The following FTO variants were observed in gnomAD, a reference collection of about 807,000 sequenced individuals.
FTO encodes the protein FTO alpha-ketoglutarate dependent dioxygenase.
FTO carries 47 observed loss-of-function variants against 63.9 expected under a neutral mutation model. The ratio of observed to expected loss-of-function variants is 0.74; its 90% CI spans 0.58 to 0.94. FTO has a LOEUF of 0.94. Among genes scored for constraint, FTO ranks in the 40% least tolerant of loss-of-function variants. FTO has a pLI of 0.00. For missense variants in FTO, 562 were observed against 618.1 expected, an observed-to-expected ratio of 0.91 and a Z score of 0.96; for synonymous variants, 207 against 224.4, an observed-to-expected ratio of 0.92 and a Z score of 0.69.
rs147910333 is a variant in FTO, at chr16:53,889,863, A to G, written c.1239+912A>G. 3.3e-3 allele frequency among the ~76,000 whole-genome samples: 504 copies of G among 152,272 alleles called. 4 individuals are homozygous for G. Among genetic ancestry groups the G allele is most frequent in the Middle Eastern group, 0.031 (9 of 294 alleles). On this transcript the variant is annotated intron_variant, in intron 7 of 8. Coordinates refer to ENST00000471389, the MANE Select transcript of FTO (RefSeq NM_001080432.3). ...TAATAATAATAACAAACACTTACAT[A>G]ATACTTATTAAGTACCAGACATTAT... is the stretch of plus-strand genomic sequence containing the variant.
chr16:53,890,734 C>T (rs1454184640), intron 7 of FTO, among the ~76,000 whole-genome samples: 2 of 152,180 alleles, frequency 1.3e-5, no homozygotes, highest in Non-Finnish European at 2.9e-5. Flanking sequence ...CCTAAATCTC[C>T]TTAGTCAGTT....
chr16:54,112,814 C>T lies in FTO; in HGVS notation c.*899C>T, dbSNP rs1161710159. On this transcript the variant is annotated 3_prime_UTR_variant, in exon 9 of 9. Coordinates refer to ENST00000471389, the MANE Select transcript of FTO (RefSeq NM_001080432.3). ...ATTTACATTATTTCGTGGATTTCAC[C>T]AGCATAGTATAGTTTTTTTCTGTAA... The T allele has an allele frequency of 6.6e-6, 1 of 152,124 alleles. No individual in the cohort carries two copies. Among genetic ancestry groups the T allele is most frequent in the African/African-American group, 2.4e-5 (1 of 41,424 alleles). 9.4% of individuals were successfully genotyped at this position (152,124 alleles called of 1,614,324 possible). A position where few individuals can be genotyped will look rare whatever the true frequency, so the allele number is the denominator to read the frequency against.
chr16:53,834,315 C>T (rs184097598), intron 3 of FTO, among the ~76,000 whole-genome samples: 11 of 152,248 alleles, frequency 7.2e-5, no homozygotes, highest in African/African-American at 1.9e-4. Flanking sequence ...TGAGCCACCG[C>T]GCCCGGCCTG....
intron 8 of FTO, among the ~76,000 whole-genome samples, chr16:54,078,846 A>G (rs2086066331): frequency 6.6e-6 from 1 of 152,160 alleles, no homozygotes. Context: ...CCTCAGCAAC[A>G]TGGCAAAACC....
At chr16:53,940,714 A>T (rs1450151829) in intron 8 of FTO, among the ~76,000 whole-genome samples, 2 of 152,204 alleles carry the variant, frequency 1.3e-5, no homozygotes, top group African/African-American at 4.8e-5. Flanking sequence ...TGTTTATGGA[A>T]GTTTCTTCGA....
At chr16:54,110,387 C>T (rs891591315) in intron 8 of FTO, among the ~76,000 whole-genome samples, 1 of 152,156 alleles carries the variant, frequency 6.6e-6, no homozygotes, top group African/African-American at 2.4e-5. Flanking sequence ...TGATGTGCTA[C>T]ATAATAGTAC....
Position 54,112,030 on chromosome 16 carries a change from C to G in FTO, c.*115C>G, listed in dbSNP as rs749354063. 8.8e-7 allele frequency: 1 copy of G among 1,132,198 alleles called. No individual in the cohort carries two copies. Among genetic ancestry groups the G allele is most frequent in the South Asian group, 1.2e-5 (1 of 80,220 alleles). The allele number at this position is 1,132,198 out of a possible 1,614,324, so 70.1% of individuals were successfully genotyped here. ...TCTCTTGGCCCCTAGATTGTAGCAC[C>G]CGGGTCCCAATCCAAAACAGCTAGG... is the stretch of plus-strand genomic sequence containing the variant. On this transcript the variant is annotated 3_prime_UTR_variant, in exon 9 of 9. Coordinates refer to ENST00000471389, the MANE Select transcript of FTO (RefSeq NM_001080432.3).
At chr16:53,720,865 C>T (rs1436093279) in intron 1 of FTO, among the ~76,000 whole-genome samples, 2 of 151,838 alleles carry the variant, frequency 1.3e-5, no homozygotes, top group East Asian at 3.9e-4. Flanking sequence ...TCATAACTTA[C>T]TGCAGCCTCG....
chr16:53,732,062 T>G (rs2076284510), intron 1 of FTO, among the ~76,000 whole-genome samples: 1 of 143,960 alleles, frequency 6.9e-6, no homozygotes, highest in South Asian at 2.3e-4. Context: ...TTTTTTTTTT[T>G]TTTTGAGACG....
intron 8 of FTO, 128 bp downstream of exon 8, chr16:53,934,237 T>C (rs2082340442): frequency 2.1e-6 from 2 of 955,366 alleles, no homozygotes; most frequent in African/African-American, 3.2e-5. Flanking sequence ...ACGTTTAAGA[T>C]GCTTTCAGCT....
intron 8 of FTO, among the ~76,000 whole-genome samples, chr16:54,034,369 A>T (rs2084896850): frequency 6.6e-6 from 1 of 152,336 alleles, no homozygotes; most frequent in East Asian, 1.9e-4. Context: ...CTATACAAGG[A>T]AAAGGAAGAG....
chr16:53,837,692 TC>T (rs1239426170), intron 3 of FTO, among the ~76,000 whole-genome samples: 3 of 151,766 alleles, frequency 2.0e-5, no homozygotes, highest in African/African-American at 7.2e-5. Flanking sequence ...AATCTTTCTT[TC>T]CTAGTGATGT....
chr16:53,866,702 A>C (rs571267725), intron 4 of FTO, among the ~76,000 whole-genome samples: 1 of 152,104 alleles, frequency 6.6e-6, no homozygotes, highest in Non-Finnish European at 1.5e-5. Context: ...TGTCCATGGG[A>C]TCTGTAGTGA....
chr16:53,744,057 GT>G, intron 1 of FTO, among the ~76,000 whole-genome samples: 1 of 152,320 alleles, frequency 6.6e-6, no homozygotes, highest in Admixed American at 6.5e-5. Context: ...GAAGTGAGCA[GT>G]AGCTGGAAGT....
chr16:53,939,026 A>G (rs186798637), intron 8 of FTO, among the ~76,000 whole-genome samples: 1 of 152,102 alleles, frequency 6.6e-6, no homozygotes, highest in East Asian at 1.9e-4. Flanking sequence ...TGAACCCGGG[A>G]GGCGGAGCTT....
At chr16:53,885,384 G>A (rs1374249366) in intron 6 of FTO, among the ~76,000 whole-genome samples, 4 of 151,988 alleles carry the variant, frequency 2.6e-5, no homozygotes, top group African/African-American at 9.7e-5. Context: ...TCAGGTCATG[G>A]AGTTGAATAG....
At chr16:53,949,072 T>C (rs113113866) in intron 8 of FTO, among the ~76,000 whole-genome samples, 73 of 152,360 alleles carry the variant, frequency 4.8e-4, no homozygotes, top group African/African-American at 1.6e-3. Context: ...GTGCTCATTG[T>C]CACCATAAAA....
chr16:53,824,174 G>A (rs1171082782), intron 2 of FTO, among the ~76,000 whole-genome samples: 1 of 152,220 alleles, frequency 6.6e-6, no homozygotes, highest in Non-Finnish European at 1.5e-5. Flanking sequence ...TGCATCTAGA[G>A]TTAGCTTCAG....
intron 1 of FTO, among the ~76,000 whole-genome samples, chr16:53,757,096 AT>A (rs1263708005): frequency 1.3e-5 from 2 of 150,802 alleles, no homozygotes; most frequent in Non-Finnish European, 2.9e-5. Context: ...TTTTAAAAAA[AT>A]ATTTTTAAAA....
Sources: gnomAD v4.1 joint callset for allele counts (sites outside exome capture counted in the v4.1 genomes callset) on GRCh38, gnomAD v4.1.1 for gene constraint, MANE v1.5 for transcripts, NCBI Gene and HGNC (gene_info 2026-07-23, HGNC 2026-07-21) for gene names.